Variants in LIPA observed in about 807,000 individuals in gnomAD.
LIPA encodes the protein lysosomal acid lipase/cholesteryl ester hydrolase.
A neutral mutation model predicts 40.6 loss-of-function variants in LIPA; 26 were observed. The ratio of observed to expected loss-of-function variants is 0.64; its 90% CI spans 0.47 to 0.89. The LOEUF (loss-of-function observed/expected upper bound fraction) is 0.89, where lower values mean the gene tolerates loss of function less well. LIPA is among the 40% of genes least tolerant of loss of function. LIPA has a pLI of 0.00. For missense variants in LIPA, 455 were observed against 479.6 expected (o/e 0.95, Z 0.48); for synonymous variants, 188 against 168.4 (o/e 1.12, Z -0.90).
rs1843335899 is a variant in LIPA at position 89,285,375 on chromosome 10, T to C, written c.-1-37726A>G. The C allele has an allele frequency of 7.9e-5, 12 of 152,266 alleles. 1 individual carries two copies. The highest frequency in any genetic ancestry group is 5.2e-4 in the Admixed American group (8 of 15,280). The allele number at this position is 152,266 out of a possible 1,614,324, so 9.4% of individuals were successfully genotyped here. On this transcript the variant is annotated intron_variant, in intron 1 of 5. Coordinates refer to the LIPA transcript ENST00000282673. ...AATCTTTCCCTTCTCTTAATTTCAA[T>C]TCCTTTCCTTTTTTGGTAGAGATAC...
At chr10:89,288,051 A>G (rs1589589570) in intron 1 of LIPA, among the ~76,000 whole-genome samples, 1 of 152,250 alleles carries the variant, frequency 6.6e-6, no homozygotes, top group Admixed American at 6.5e-5. Context: ...TCAGCAAATT[A>G]CCTGGGCTGT....
At chr10:89,376,952 T>C (rs1844126321) in intron 2 of LIPA, among the ~76,000 whole-genome samples, 1 of 152,154 alleles carries the variant, frequency 6.6e-6, no homozygotes, top group Non-Finnish European at 1.5e-5. Context: ...AAGACTGTAA[T>C]GAAGTTAATA....
intron 1 of LIPA, among the ~76,000 whole-genome samples, chr10:89,295,999 G>A (rs1843412334): frequency 6.6e-6 from 1 of 152,184 alleles, no homozygotes; most frequent in Non-Finnish European, 1.5e-5. Context: ...TCAAAGCACA[G>A]TGACCATGGC....
chr10:89,356,552 T>A (rs762206261), intron 2 of LIPA, among the ~76,000 whole-genome samples: 1 of 152,136 alleles, frequency 6.6e-6, no homozygotes, highest in Non-Finnish European at 1.5e-5. Flanking sequence ...GAACTCTGCA[T>A]CCGATGAACC....
At chr10:89,374,851 G>A (rs1274721364) in intron 2 of LIPA, among the ~76,000 whole-genome samples, 2 of 152,282 alleles carry the variant, frequency 1.3e-5, no homozygotes, top group South Asian at 4.1e-4. Flanking sequence ...TGCCCAAGAG[G>A]TACTGCTGGG....
chr10:89,218,728 T>C (rs888962574), intron 8 of LIPA, among the ~76,000 whole-genome samples: 2 of 152,184 alleles, frequency 1.3e-5, no homozygotes, highest in Admixed American at 1.3e-4. Flanking sequence ...AGCTATAGTA[T>C]GGAGGGAACT....
At chr10:89,384,435 T>A (rs1844188979) in intron 2 of LIPA, 1 of 1,614,044 alleles carries the variant, frequency 6.2e-7, no homozygotes, top group African/African-American at 1.3e-5. Context: ...TCTTTGAAGA[T>A]CAGCTAAAGC....
chr10:89,257,789 A>G (rs553886982), intron 1 of LIPA, among the ~76,000 whole-genome samples: 2 of 152,250 alleles, frequency 1.3e-5, no homozygotes, highest in Non-Finnish European at 2.9e-5. Flanking sequence ...GCAGAGTTGC[A>G]GGGCAGAATG....
intron 3 of LIPA, 92 bp downstream of exon 3, chr10:89,245,584 C>A: frequency 3.9e-6 from 3 of 776,450 alleles, no homozygotes; most frequent in South Asian, 1.3e-5. Flanking sequence ...AAAAATAATC[C>A]CATTTCAATG....
chr10:89,269,959 C>T (rs892173164), intron 1 of LIPA, among the ~76,000 whole-genome samples: 1 of 152,196 alleles, frequency 6.6e-6, no homozygotes, highest in African/African-American at 2.4e-5. Context: ...TCTGGTCAGA[C>T]ATAAGTTGTG....
chr10:89,264,124 T>G (rs943237128), intron 1 of LIPA, among the ~76,000 whole-genome samples: 1 of 152,204 alleles, frequency 6.6e-6, no homozygotes, highest in African/African-American at 2.4e-5. Flanking sequence ...TCTGCTGCCC[T>G]TCTCTCCTTC....
At chr10:89,339,443 T>C in intron 1 of LIPA, 1 of 1,614,206 alleles carries the variant, frequency 6.2e-7, no homozygotes, top group Non-Finnish European at 8.5e-7. Context: ...GCTATTGAAC[T>C]GTTTCAACGG....
At chr10:89,404,967 A>T (rs1186429946) in intron 2 of LIPA, 1 of 152,174 alleles carries the variant, frequency 6.6e-6, no homozygotes, top group Non-Finnish European at 1.5e-5. Context: ...CTCAAAAAAA[A>T]AAAAAGTTCT....
At chr10:89,364,593 T>G (rs1844045023) in intron 2 of LIPA, among the ~76,000 whole-genome samples, 2 of 151,512 alleles carry the variant, frequency 1.3e-5, no homozygotes, top group South Asian at 4.1e-4. Context: ...ATCCTTTGTT[T>G]AAGAAAGTTC....
chr10:89,318,026 T>C (rs1843550368), intron 1 of LIPA, among the ~76,000 whole-genome samples: 1 of 152,186 alleles, frequency 6.6e-6, no homozygotes, highest in Admixed American at 6.5e-5. Context: ...CTGAGAGATT[T>C]TGTCACCACC....
At chr10:89,378,358 T>C (rs2133601134) in intron 2 of LIPA, among the ~76,000 whole-genome samples, 1 of 152,176 alleles carries the variant, frequency 6.6e-6, no homozygotes, top group African/African-American at 2.4e-5. Flanking sequence ...CAACAGGAAA[T>C]GGTGCTTGTT....
chr10:89,307,100 C>T (rs1375257204), intron 1 of LIPA: 2 of 1,614,052 alleles, frequency 1.2e-6, no homozygotes, highest in South Asian at 1.1e-5. Context: ...CAACTTTCAG[C>T]TGTACCAAAT....
intron 1 of LIPA, chr10:89,306,737 G>A: frequency 2.5e-6 from 4 of 1,614,132 alleles, no homozygotes; most frequent in Non-Finnish European, 1.7e-6. Flanking sequence ...TCGAAGAAAA[G>A]ATGAGCCAGA....
intron 2 of LIPA, among the ~76,000 whole-genome samples, chr10:89,352,257 C>G (rs1843963178): frequency 2.0e-5 from 3 of 152,166 alleles, no homozygotes; most frequent in African/African-American, 7.2e-5. Flanking sequence ...CCTCTATCTC[C>G]AGTCCAGTTT....
Sources: allele counts gnomAD v4.1 joint callset (sites outside exome capture counted in the v4.1 genomes callset), GRCh38; gene constraint gnomAD v4.1.1; transcripts MANE v1.5; gene names NCBI Gene and HGNC (gene_info 2026-07-23, HGNC 2026-07-21).